SLC43A2: variants seen among roughly 807,000 people sequenced by gnomAD.
SLC43A2 encodes the protein solute carrier family 43 member 2.
A neutral mutation model predicts 63.2 loss-of-function variants in SLC43A2; 38 were observed. The ratio of observed to expected loss-of-function variants is 0.60; its 90% confidence interval spans 0.46 to 0.79. The LOEUF (loss-of-function observed/expected upper bound fraction) is 0.79, where lower values mean the gene tolerates loss of function less well. SLC43A2 is among the 30% of genes least tolerant of loss of function. The pLI, the probability that SLC43A2 is intolerant of heterozygous loss-of-function variation, is 0.00. For missense variants in SLC43A2, 644 were observed against 756.2 expected, an observed-to-expected ratio of 0.85 and a Z score of 1.74; for synonymous variants, 322 against 331.0, an observed-to-expected ratio of 0.97 and a Z score of 0.30.
chr17:1,627,666 C>CA, intron 2 of SLC43A2, 49 bp downstream of exon 2: 2 of 1,095,074 alleles, frequency 1.8e-6, no homozygotes, highest in Non-Finnish European at 1.2e-6. Flanking sequence ...CGCCCCCTCC[C>CA]AAAGCCCCAG....
intron 5 of SLC43A2, among the ~76,000 whole-genome samples, chr17:1,602,528 C>T (rs1177368122): frequency 2.6e-5 from 4 of 151,800 alleles, no homozygotes; most frequent in African/African-American, 9.7e-5. Flanking sequence ...CACCTGTAAT[C>T]CTAGCTACTT....
At chr17:1,586,928 T>TCACCC in intron 9 of SLC43A2, 4 of 1,232,914 alleles carry the variant, frequency 3.2e-6, no homozygotes, top group Admixed American at 2.2e-5. Flanking sequence ...TCCCTGACAA[T>TCACCC]CCCCCCCACC....
At chr17:1,613,062 T>TA in intron 5 of SLC43A2, 133 bp downstream of exon 5, 1 of 769,998 alleles carries the variant, frequency 1.3e-6, no homozygotes, top group Non-Finnish European at 2.2e-6. Flanking sequence ...ACCTCGCCCA[T>TA]AGCCCCTCTA....
intron 12 of SLC43A2, 90 bp from the exon 13 acceptor site, chr17:1,576,810 G>C (rs1359846148): frequency 2.0e-6 from 3 of 1,496,746 alleles, no homozygotes; most frequent in African/African-American, 2.8e-5. Context: ...CACCGTTGGT[G>C]CCAGAGAAGG....
At chr17:1,608,178 T>A (rs1167483565) in intron 5 of SLC43A2, among the ~76,000 whole-genome samples, 1 of 152,118 alleles carries the variant, frequency 6.6e-6, no homozygotes, top group East Asian at 1.9e-4. Flanking sequence ...GGATTTGGCC[T>A]GGCAATGGCG....
chr17:1,620,345 G>A (rs2151079393), intron 2 of SLC43A2, among the ~76,000 whole-genome samples: 1 of 152,266 alleles, frequency 6.6e-6, no homozygotes. Flanking sequence ...TCCAGCCTGG[G>A]CCACAGAGTG....
chr17:1,594,182 C>T (rs1282727597), intron 5 of SLC43A2, among the ~76,000 whole-genome samples: 2 of 152,302 alleles, frequency 1.3e-5, no homozygotes, highest in South Asian at 2.1e-4. Flanking sequence ...GGATGTTCGG[C>T]CCGAGCAGTT....
intron 5 of SLC43A2, among the ~76,000 whole-genome samples, chr17:1,594,754 AT>A (rs764196344): frequency 6.1e-4 from 92 of 151,306 alleles, no homozygotes; most frequent in Admixed American, 2.6e-3. Flanking sequence ...CACCCGGCTA[AT>A]TTTTTTGTAT....
chr17:1,583,365 G>T lies in SLC43A2; in HGVS notation c.1218-29C>A. The T allele has an allele frequency of 6.2e-7, 1 of 1,609,274 alleles. No individual in the cohort carries two copies. Among genetic ancestry groups the T allele is most frequent in the South Asian group, 1.1e-5 (1 of 91,026 alleles). On this transcript the variant is annotated intron_variant, in intron 10 of 13. Transcript: ENST00000301335. This position sits in a 1 kb window ranked among gnomAD's most constrained non-coding sequence, Gnocchi z 5.5. ...TGGAGACACAGAACGTGCAGGGGTGGGAGGGCTCCCCGGAGGAAGCCGGGT... is the reference window on the plus strand; with the variant it reads ...TGGAGACACAGAACGTGCAGGGGTGTGAGGGCTCCCCGGAGGAAGCCGGGT...
intron 2 of SLC43A2, among the ~76,000 whole-genome samples, chr17:1,627,497 G>C (rs1266704593): frequency 1.3e-5 from 2 of 152,136 alleles, no homozygotes; most frequent in Non-Finnish European, 2.9e-5. Context: ...CTGCGGCCTT[G>C]CGCAAGACAG....
chr17:1,586,851 G>T, intron 9 of SLC43A2: 2 of 1,353,298 alleles, frequency 1.5e-6, no homozygotes, highest in Non-Finnish European at 2.0e-6. Context: ...CAGGAGGCAT[G>T]TCTGGAGCTT....
Position 1,605,792 on chromosome 17 carries a change from G to A in SLC43A2, c.501+7403C>T, listed in dbSNP as rs2151065257. 6.6e-6 allele frequency among the ~76,000 whole-genome samples: 1 copy of A among 152,250 alleles called. No individual in the cohort carries two copies. ...GGGCTGTTTCCTACCCACAACAACC[G>A]GGCACCTCCAAGCACATGCTGCCCG... On this transcript the variant is annotated intron_variant, in intron 5 of 13. Transcript: ENST00000301335. The surrounding 1 kb of genome is among the most constrained non-coding windows in gnomAD (Gnocchi z 4.9).
At chr17:1,607,326 C>T (rs1018164025) in intron 5 of SLC43A2, among the ~76,000 whole-genome samples, 36 of 152,178 alleles carry the variant, frequency 2.4e-4, no homozygotes, top group Non-Finnish European at 2.9e-5. Context: ...GAGCTGATCC[C>T]GACAGTTCTG....
rs2075907748 is a variant in SLC43A2, at chr17:1,575,422, G to A, written c.*182C>T. The A allele has an allele frequency of 3.9e-6, 3 of 760,904 alleles. No individual in the cohort carries two copies. Among genetic ancestry groups the A allele is most frequent in the South Asian group, 3.6e-5 (2 of 55,258 alleles). The allele number at this position is 760,904 out of a possible 1,614,324, so 47.1% of individuals were successfully genotyped here. On this transcript the variant is annotated 3_prime_UTR_variant, in exon 14 of 14. Transcript: ENST00000301335. ...CTGCGTTCGGCAGGAGAAAACGCGC[G>A]TGTCCGGGGCCCTCTCCCGTCCTTC...
chr17:1,613,307 C>G (rs368388436), intron 4 of SLC43A2, 36 bp from the exon 5 acceptor site: 213 of 1,603,704 alleles, frequency 1.3e-4, no homozygotes, highest in Middle Eastern at 3.3e-4. Context: ...GTGGAGACCC[C>G]AGCTGAGCTC....
intron 9 of SLC43A2, chr17:1,587,085 A>ACACTGCGTTTCCTG (rs1555537669): frequency 1.6e-5 from 11 of 696,940 alleles, no homozygotes; most frequent in Admixed American, 5.6e-5. Flanking sequence ...TGCATTTCCC[A>ACACTGCGTTTCCTG]CACTGCGTTT....
At chr17:1,617,847 G>C (rs1907822163) in intron 2 of SLC43A2, among the ~76,000 whole-genome samples, 1 of 152,220 alleles carries the variant, frequency 6.6e-6, no homozygotes, top group African/African-American at 2.4e-5. Context: ...ACACAGAAAG[G>C]AAGAGAAAAG....
chr17:1,579,440 G>T lies in SLC43A2; in HGVS notation c.1351-1117C>A, dbSNP rs930299951. Among the ~76,000 whole-genome samples, 3 of 150,430 alleles carry T rather than the reference G, an allele frequency of 2.0e-5. No individual in the cohort carries two copies. In the East Asian group the frequency reaches 5.8e-4, roughly 29 times the overall value. ...AGCACCACTGCACTCCAGCCTGGGT[G>T]ACAGAGCTAGACTCTGTCTCAAAAA... On this transcript the variant is annotated intron_variant, in intron 11 of 13. Transcript: ENST00000301335.
chr17:1,599,287 C>G (rs1027760267), intron 5 of SLC43A2, among the ~76,000 whole-genome samples: 4 of 151,794 alleles, frequency 2.6e-5, no homozygotes, highest in Non-Finnish European at 4.4e-5. Context: ...TTGCAATGAG[C>G]CAAGATCATG....
Sources: gnomAD v4.1 joint callset for allele counts (sites outside exome capture counted in the v4.1 genomes callset) on GRCh38, gnomAD v4.1.1 for gene constraint, Gnocchi (gnomAD v3.1) non-coding constraint, MANE v1.5 for transcripts, NCBI Gene and HGNC (gene_info 2026-07-23, HGNC 2026-07-21) for gene names.